IL13RA1: variants seen among roughly 807,000 people sequenced by gnomAD.
IL13RA1 encodes the protein interleukin-13 receptor subunit alpha-1.
Under a neutral mutation model 33.8 loss-of-function variants are expected in IL13RA1, and 14 were observed. That is an observed-to-expected ratio of 0.41 (90% CI 0.27 to 0.65). The LOEUF is 0.65. Ranked by LOEUF, IL13RA1 falls within the 30% of genes least tolerant of loss-of-function variation. The probability of loss-of-function intolerance (pLI) is 0.28; values close to 1 mark genes in which losing one functional copy is unlikely to be tolerated. For synonymous variants in IL13RA1, 116 were observed against 115.7 expected, an observed-to-expected ratio of 1.00 and a Z score of -0.02; for missense variants, 313 against 327.0, an observed-to-expected ratio of 0.96 and a Z score of 0.33.
At chrX:118,786,529 T>A (rs926097212) in intron 10 of IL13RA1, among the ~76,000 whole-genome samples, 1 of 112,305 alleles carries the variant, frequency 8.9e-6, no homozygotes, top group African/African-American at 3.2e-5. Context: ...ACAACCACAC[T>A]TGGCTTCTGT....
chrX:118,759,281 A>G (rs1417593533), intron 5 of IL13RA1, among the ~76,000 whole-genome samples: 1 of 112,332 alleles, frequency 8.9e-6, no homozygotes, highest in Non-Finnish European at 1.9e-5. Flanking sequence ...TATCTGTGAA[A>G]TGGAATATAT....
chrX:118,785,242 G>A (rs1223671705), intron 10 of IL13RA1, among the ~76,000 whole-genome samples: 1 of 110,411 alleles, frequency 9.1e-6, no homozygotes, highest in Non-Finnish European at 1.9e-5. Context: ...GGACAGGCAT[G>A]TGCCACCATG....
chrX:118,731,651 C>T (rs916836302), intron 1 of IL13RA1, among the ~76,000 whole-genome samples: 1 of 111,729 alleles, frequency 9.0e-6, no homozygotes, highest in African/African-American at 3.3e-5. Flanking sequence ...TAACACATAG[C>T]ACTTGCTGCC....
At chrX:118,781,993 C>T (rs2017848600) in intron 10 of IL13RA1, among the ~76,000 whole-genome samples, 1 of 112,375 alleles carries the variant, frequency 8.9e-6, no homozygotes, top group African/African-American at 3.2e-5. Context: ...CAGTTGATAT[C>T]CTTGCTTGAA....
chrX:118,739,577 C>A lies in IL13RA1; in HGVS notation c.89-1440C>A, dbSNP rs2017320638. Among the ~76,000 whole-genome samples the A allele has an allele frequency of 2.7e-5, 3 of 111,949 alleles. No individual in the cohort carries two copies. The Admixed American group carries it at 2.9e-4, about 11-fold the overall frequency. ...ATTTTCAAATAATTTTAATAAACTTCTATGTTGAAATAATTTTTGATTTAC... is the reference window on the plus strand; with the variant it reads ...ATTTTCAAATAATTTTAATAAACTTATATGTTGAAATAATTTTTGATTTAC... On this transcript the variant is annotated intron_variant, in intron 1 of 10. Coordinates refer to ENST00000371666, the MANE Select transcript of IL13RA1 (RefSeq NM_001560.3).
chrX:118,740,945 CT>C (rs1274681950), intron 1 of IL13RA1, 71 bp from the exon 2 acceptor site: 4 of 699,309 alleles, frequency 5.7e-6, no homozygotes, highest in Non-Finnish European at 9.2e-6. Flanking sequence ...TCCTCTAGGA[CT>C]TGGGAGAATT....
At chrX:118,799,374 C>CT (rs1471386556), downstream of IL13RA1, among the ~76,000 whole-genome samples, 1 of 113,410 alleles carries the variant, frequency 8.8e-6, no homozygotes, top group African/African-American at 3.2e-5. Flanking sequence ...GCAGCTCCAC[C>CT]TGCAGCCCCT....
chrX:118,737,599 C>T (rs755734141), intron 1 of IL13RA1, among the ~76,000 whole-genome samples: 1 of 111,821 alleles, frequency 8.9e-6, no homozygotes, highest in Admixed American at 9.5e-5. Context: ...AAAATGCAAA[C>T]CAGTTAGAAG....
intron 10 of IL13RA1, among the ~76,000 whole-genome samples, chrX:118,784,466 AAAAT>A (rs2017894625): frequency 9.1e-6 from 1 of 110,406 alleles, no homozygotes; most frequent in Non-Finnish European, 1.9e-5. Flanking sequence ...CTTTTGATAT[AAAAT>A]AAATTTTAAT....
chrX:118,734,989 A>G (rs1178892090), intron 1 of IL13RA1, among the ~76,000 whole-genome samples: 3 of 110,436 alleles, frequency 2.7e-5, no homozygotes, highest in South Asian at 3.8e-4. Context: ...TAGATTTCCT[A>G]TTTCTTTGTG....
Position 118,761,135 on chromosome X carries a change from C to T in IL13RA1, c.677-3C>T. On this transcript the variant is annotated splice_polypyrimidine_tract_variant and splice_region_variant and intron_variant, in intron 5 of 10. Coordinates refer to ENST00000371666, the MANE Select transcript of IL13RA1 (RefSeq NM_001560.3). ...TTACTTGTGTTCTATTTTTGTTTTT[C>T]AGTGAAACCTGATCCTCCACATATT... 2.0e-6 allele frequency: 2 copies of T among 976,374 alleles called. No individual in the cohort carries two copies. Among genetic ancestry groups the T allele is most frequent in the Non-Finnish European group, 2.8e-6 (2 of 718,450 alleles). 80.5% of individuals were successfully genotyped at this position (976,374 alleles called of 1,213,427 possible). A position where few individuals can be genotyped will look rare whatever the true frequency, so the allele number is the denominator to read the frequency against.
chrX:118,796,201 TTACATGTGTGATTTCACATAATC>T (rs2018030445), downstream of IL13RA1, among the ~76,000 whole-genome samples: 1 of 112,419 alleles, frequency 8.9e-6, no homozygotes, highest in Non-Finnish European at 1.9e-5. Flanking sequence ...ATGTGCCGAG[TTACATGTGTGATTTCACATAATC>T]TGTATGCTGG....
chrX:118,748,955 G>A lies in IL13RA1; in HGVS notation c.368-703G>A, dbSNP rs978815879. On this transcript the variant is annotated intron_variant, in intron 3 of 10. Coordinates refer to ENST00000371666, the MANE Select transcript of IL13RA1 (RefSeq NM_001560.3). ...TTTAGAGACAGAGTCTTGTTCTGTT[G>A]TCCAGGCTGGAGTGCAGTGGCAAGA... Among the ~76,000 whole-genome samples the A allele has an allele frequency of 3.5e-4, 39 of 111,332 alleles. 1 individual carries two copies. The highest frequency in any genetic ancestry group is 3.2e-3 in the Admixed American group (33 of 10,468).
downstream of IL13RA1, among the ~76,000 whole-genome samples, chrX:118,795,227 A>AAAAAAAAAAAAAAG (rs200347606): frequency 8.4e-5 from 8 of 95,006 alleles, no homozygotes; most frequent in African/African-American, 1.9e-4. Flanking sequence ...AAAAAAAAAA[A>AAAAAAAAAAAAAAG]AAAGAAAAAG....
chrX:118,792,004 G>A lies in IL13RA1; in HGVS notation c.*150G>A. On this transcript the variant is annotated 3_prime_UTR_variant, in exon 11 of 11. Transcript: ENST00000371666. ...TAAGAGCCACAGGTCTTTATGTTGA[G>A]TCGCGCACCGAAAAACTAAAAATAA... 1.2e-5 allele frequency: 4 copies of A among 333,799 alleles called. No homozygotes were observed. The allele number at this position is 333,799 out of a possible 1,213,427, so 27.5% of individuals were successfully genotyped here.
At chrX:118,775,836 T>C (rs2147393956) in intron 9 of IL13RA1, among the ~76,000 whole-genome samples, 1 of 111,666 alleles carries the variant, frequency 9.0e-6, no homozygotes, top group South Asian at 3.8e-4. Flanking sequence ...GGATGTTAAA[T>C]AAGCGATTTT....
chrX:118,770,103 A>G (rs2017695933), intron 8 of IL13RA1: 7 of 259,668 alleles, frequency 2.7e-5, no homozygotes, highest in Middle Eastern at 5.4e-4. Context: ...GAGCTCTTCC[A>G]GGGCCCTGTG....
At chrX:118,784,701 C>T (rs937176016) in intron 10 of IL13RA1, among the ~76,000 whole-genome samples, 15 of 111,603 alleles carry the variant, frequency 1.3e-4, no homozygotes, top group Non-Finnish European at 1.9e-4. Flanking sequence ...TTCATGGGAC[C>T]GGCATTTCCT....
intron 10 of IL13RA1, among the ~76,000 whole-genome samples, chrX:118,783,223 A>G (rs1372818359): frequency 2.7e-5 from 3 of 112,051 alleles, no homozygotes; most frequent in Non-Finnish European, 5.6e-5. Flanking sequence ...CTAGGCTCAC[A>G]TAATTACCAA....
Sources: allele counts gnomAD v4.1 joint callset (sites outside exome capture counted in the v4.1 genomes callset), GRCh38; gene constraint gnomAD v4.1.1; transcripts MANE v1.5; gene names NCBI Gene and HGNC (gene_info 2026-07-23, HGNC 2026-07-21).